Variants in CFAP74 observed in about 807,000 individuals in gnomAD.
The protein encoded by CFAP74 is cilia and flagella associated protein 74.
Under a neutral mutation model 188.9 loss-of-function variants are expected in CFAP74, and 124 were observed. That is an observed-to-expected ratio of 0.66 (90% CI 0.57 to 0.76). The LOEUF (loss-of-function observed/expected upper bound fraction) is 0.76. Ranked by LOEUF, CFAP74 falls within the 30% of genes least tolerant of loss-of-function variation. The pLI is 0.00. For missense variants in CFAP74, 2,198 were observed against 2,165.2 expected, an observed-to-expected ratio of 1.02 and a Z score of -0.30; for synonymous variants, 956 against 916.7, an observed-to-expected ratio of 1.04 and a Z score of -0.77.
intron 25 of CFAP74, among the ~76,000 whole-genome samples, chr1:1,935,522 G>T (rs1187031204): frequency 1.2e-5 from 1 of 85,880 alleles, no homozygotes; most frequent in Non-Finnish European, 2.5e-5. Flanking sequence ...TAGGTTGTAG[G>T]TACACACGTG....
intron 1 of CFAP74, among the ~76,000 whole-genome samples, chr1:1,993,486 A>G (rs1451811932): frequency 6.6e-6 from 1 of 151,442 alleles, no homozygotes; most frequent in Non-Finnish European, 1.5e-5. Context: ...GGGTTTTGCC[A>G]TGTTGCCCAG....
intron 11 of CFAP74, among the ~76,000 whole-genome samples, chr1:1,967,389 T>C (rs34824947): frequency 0.22 from 32,506 of 146,818 alleles, 3,714 homozygotes; most frequent in East Asian, 0.26. Context: ...CTGTGACCTG[T>C]ATAGTGCCAC....
At chr1:1,943,572 C>T (rs1425921585) in intron 21 of CFAP74, among the ~76,000 whole-genome samples, 2 of 152,246 alleles carry the variant, frequency 1.3e-5, no homozygotes, top group Admixed American at 6.5e-5. Flanking sequence ...GCTTTCCCAC[C>T]GGCGTGGCTG....
chr1:1,951,579 C>T (rs1169085135), intron 18 of CFAP74, among the ~76,000 whole-genome samples: 1 of 152,124 alleles, frequency 6.6e-6, no homozygotes, highest in Non-Finnish European at 1.5e-5. Context: ...TAGTGTAAGT[C>T]CTTGAAATTT....
chr1:1,957,554 A>T (rs562459681), intron 16 of CFAP74, among the ~76,000 whole-genome samples: 2 of 152,018 alleles, frequency 1.3e-5, no homozygotes, highest in East Asian at 3.9e-4. Flanking sequence ...GCCCCTGCTC[A>T]GGGGAGCCGA....
At chr1:1,946,756 GA>G (rs1653801482) in intron 19 of CFAP74, among the ~76,000 whole-genome samples, 1 of 152,230 alleles carries the variant, frequency 6.6e-6, no homozygotes, top group South Asian at 2.1e-4. Flanking sequence ...CCACACCCGG[GA>G]AACAATCTGT....
chr1:1,934,725 A>G (rs1289249824), intron 25 of CFAP74, among the ~76,000 whole-genome samples: 4 of 130,580 alleles, frequency 3.1e-5, no homozygotes, highest in South Asian at 2.6e-4. Flanking sequence ...GTTAGGCTGT[A>G]GGTACACACG....
chr1:1,955,407 T>TC (rs1489194919), intron 18 of CFAP74: 1 of 1,426,748 alleles, frequency 7.0e-7, no homozygotes, highest in Admixed American at 2.1e-5. Flanking sequence ...CAGAGCCTCT[T>TC]CCCCGCCCTG....
intron 1 of CFAP74, among the ~76,000 whole-genome samples, chr1:1,999,979 C>T (rs993959775): frequency 4.6e-5 from 7 of 152,220 alleles, no homozygotes; most frequent in Non-Finnish European, 1.0e-4. Context: ...TCCTGGCTAA[C>T]ACGGTGAAAC....
At chr1:1,954,887 G>T (rs776190357) in intron 18 of CFAP74, 76 of 1,166,160 alleles carry the variant, frequency 6.5e-5, no homozygotes, top group Non-Finnish European at 7.6e-5. Context: ...TCACACACAG[G>T]CCAAGGGGCA....
intron 25 of CFAP74, among the ~76,000 whole-genome samples, chr1:1,934,313 C>T (rs2748968): frequency 0.23 from 6,750 of 29,594 alleles, 883 homozygotes; most frequent in Middle Eastern, 0.32. Context: ...CACAGGTGTA[C>T]ACGTGGGTGT....
intron 20 of CFAP74, among the ~76,000 whole-genome samples, chr1:1,945,378 C>T (rs573944333): frequency 7.9e-4 from 120 of 152,234 alleles, no homozygotes; most frequent in African/African-American, 2.6e-3. Flanking sequence ...CAGCCCAGCA[C>T]GAAGCCGCCT....
intron 1 of CFAP74, among the ~76,000 whole-genome samples, chr1:1,997,550 T>C (rs1465503040): frequency 2.0e-5 from 3 of 152,170 alleles, no homozygotes; most frequent in African/African-American, 7.2e-5. Flanking sequence ...TAAAACAACT[T>C]AGTAATGTTG....
chr1:1,958,182 C>G (rs1394611640), intron 16 of CFAP74, among the ~76,000 whole-genome samples: 1 of 152,202 alleles, frequency 6.6e-6, no homozygotes, highest in African/African-American at 2.4e-5. Context: ...TTGGGGCCAG[C>G]GTGGCCTGGA....
At chr1:1,972,706 C>T (rs1170008882) in intron 8 of CFAP74, among the ~76,000 whole-genome samples, 1 of 152,160 alleles carries the variant, frequency 6.6e-6, no homozygotes, top group African/African-American at 2.4e-5. Flanking sequence ...ATTAGCCGGG[C>T]ATGGTGGCGC....
intron 6 of CFAP74, among the ~76,000 whole-genome samples, chr1:1,974,458 G>A (rs750399925): frequency 6.6e-5 from 10 of 152,206 alleles, no homozygotes; most frequent in East Asian, 3.8e-4. Context: ...GCCACCTGCC[G>A]GCCTGAGGCT....
rs562840620 is a variant in CFAP74 at position 1,930,107 on chromosome 1, A to G, written c.3241T>C (p.Ser1081Pro). 2 of 1,534,654 alleles carry G rather than the reference A, an allele frequency of 1.3e-6. No individual in the cohort carries two copies. The highest frequency in any genetic ancestry group is 2.4e-5 in the East Asian group (1 of 40,870). ...TSFEFLLPPD[S>P]PITISPSVGT... ...ACTGAGGGCGAGATGGTGATAGGCG[A>G]GTCTGGGGGCAGCAGGAACTCGAAA... Residue 1081 changes from serine to proline, a missense_variant, in exon 26 of 39, where the codon TCG becomes CCG. Ser to Pro is a moderately conservative substitution (Grantham distance 74, BLOSUM62 -1). Transcript: ENST00000682832.
chr1:1,957,466 G>A (rs1415219489), intron 16 of CFAP74, among the ~76,000 whole-genome samples: 1 of 152,200 alleles, frequency 6.6e-6, no homozygotes, highest in Admixed American at 6.5e-5. Flanking sequence ...CACCGCCTGG[G>A]TCCTGTTCTC....
rs372988422 is a variant in CFAP74 at position 1,972,120 on chromosome 1, G to A, written c.786-38C>T. ...ATTTAAACATTTTTGAGGCTCTGTC[G>A]CCCAGGCTGGTGTGCAGTGGTGCGA... On this transcript the variant is annotated intron_variant, in intron 8 of 38. Transcript: ENST00000682832. 272 of 1,516,668 alleles carry A rather than the reference G, an allele frequency of 1.8e-4. No individual in the cohort carries two copies. The African/African-American group carries it at 2.0e-3, about 11-fold the overall frequency. 94.0% of individuals were successfully genotyped at this position (1,516,668 alleles called of 1,614,324 possible).
Sources: gnomAD v4.1 joint callset for allele counts (sites outside exome capture counted in the v4.1 genomes callset) on GRCh38, gnomAD v4.1.1 for gene constraint, MANE v1.5 for transcripts, NCBI Gene and HGNC (gene_info 2026-07-23, HGNC 2026-07-21) for gene names.